PPP2R2B: variants seen among roughly 807,000 people sequenced by gnomAD.
PPP2R2B encodes serine/threonine-protein phosphatase 2A 55 kDa regulatory subunit B beta isoform.
Under a neutral mutation model 46.0 loss-of-function variants are expected in PPP2R2B, and 5 were observed. That is an observed-to-expected ratio of 0.11 (90% CI 0.06 to 0.23). The LOEUF is 0.23. PPP2R2B is among the 10% of genes least tolerant of loss of function. The probability of loss-of-function intolerance (pLI) is 1.00; values close to 1 mark genes in which losing one functional copy is unlikely to be tolerated. For missense variants in PPP2R2B, 367 were observed against 575.0 expected, an observed-to-expected ratio of 0.64 and a Z score of 3.70; for synonymous variants, 215 against 206.7, an observed-to-expected ratio of 1.04 and a Z score of -0.34.
chr5:146,756,801 C>T (rs1440846758), intron 2 of PPP2R2B, among the ~76,000 whole-genome samples: 1 of 152,152 alleles, frequency 6.6e-6, no homozygotes, highest in Non-Finnish European at 1.5e-5. Context: ...TTTGTATGTG[C>T]AGTGAGCTGC....
chr5:147,026,319 C>T (rs1012559356), intron 1 of PPP2R2B, among the ~76,000 whole-genome samples: 7 of 152,058 alleles, frequency 4.6e-5, no homozygotes, highest in East Asian at 1.9e-4. Flanking sequence ...CACACAGTAA[C>T]ATTGATGAAT....
chr5:146,921,351 A>G (rs538149494), intron 1 of PPP2R2B, among the ~76,000 whole-genome samples: 1 of 152,320 alleles, frequency 6.6e-6, no homozygotes, highest in Admixed American at 6.5e-5. Flanking sequence ...AGCCCCAACT[A>G]AACCATGAAT....
chr5:146,729,290 A>C (rs1203374680), intron 2 of PPP2R2B, among the ~76,000 whole-genome samples: 3 of 152,224 alleles, frequency 2.0e-5, no homozygotes, highest in African/African-American at 7.2e-5. Context: ...GGTATCTGGC[A>C]GAAGAAATTT....
intron 6 of PPP2R2B, among the ~76,000 whole-genome samples, chr5:146,647,128 T>C (rs1242211852): frequency 6.6e-6 from 1 of 152,240 alleles, no homozygotes; most frequent in Non-Finnish European, 1.5e-5. Flanking sequence ...CACTATTTAC[T>C]TAATGCTTTA....
At chr5:146,776,372 CAAGGG>C (rs1755183151) in intron 2 of PPP2R2B, among the ~76,000 whole-genome samples, 1 of 151,994 alleles carries the variant, frequency 6.6e-6, no homozygotes, top group Non-Finnish European at 1.5e-5. Context: ...TGATTTTCTA[CAAGGG>C]TGTCAAGACC....
chr5:146,592,189 C>T, intron 9 of PPP2R2B: 1 of 430,342 alleles, frequency 2.3e-6, no homozygotes, highest in South Asian at 1.7e-5. Context: ...AGACTCCTTC[C>T]AAGCCTGCTA....
At chr5:146,719,113 G>A (rs1018988242) in intron 2 of PPP2R2B, among the ~76,000 whole-genome samples, 7 of 152,210 alleles carry the variant, frequency 4.6e-5, no homozygotes, top group African/African-American at 1.7e-4. Flanking sequence ...AATTCTAAGA[G>A]TTGATCAATA....
intron 7 of PPP2R2B, among the ~76,000 whole-genome samples, chr5:146,618,625 T>C (rs770904340): frequency 5.9e-5 from 9 of 152,200 alleles, no homozygotes; most frequent in Non-Finnish European, 1.0e-4. Context: ...GCCAGTTCCC[T>C]TTCAGCAGCT....
rs114666598 is a variant in PPP2R2B, at chr5:146,597,017, C to T, written c.960+3274G>A. ...AGAATTTTGCTGTCACTCCACATGC[C>T]AGTGTTGGGTAGCTGGGCTCCTTGT... On this transcript the variant is annotated intron_variant, in intron 8 of 9. Coordinates refer to ENST00000394411, the MANE Select transcript of PPP2R2B (RefSeq NM_181675.4). Among the ~76,000 whole-genome samples, 497 of 152,268 alleles carry T rather than the reference C, an allele frequency of 3.3e-3. 4 individuals carry two copies. Among genetic ancestry groups the T allele is most frequent in the African/African-American group, 0.012 (479 of 41,522 alleles).
chr5:147,014,011 T>A (rs1237417141), intron 1 of PPP2R2B, among the ~76,000 whole-genome samples: 15 of 130,148 alleles, frequency 1.2e-4, no homozygotes, highest in South Asian at 5.4e-4. Context: ...ATATCCAGAA[T>A]CTACAATGAA....
chr5:146,985,934 A>C (rs1386541809), intron 1 of PPP2R2B, among the ~76,000 whole-genome samples: 1 of 152,228 alleles, frequency 6.6e-6, no homozygotes, highest in African/African-American at 2.4e-5. Context: ...TATACAAAAA[A>C]GAAATCAAGA....
At chr5:147,039,175 A>C (rs75834522) in intron 1 of PPP2R2B, among the ~76,000 whole-genome samples, 1 of 152,082 alleles carries the variant, frequency 6.6e-6, no homozygotes, top group Non-Finnish European at 1.5e-5. Flanking sequence ...CTCTTCAGAG[A>C]TGCCTTCCCT....
chr5:146,861,748 G>T (rs553465081), intron 2 of PPP2R2B, among the ~76,000 whole-genome samples: 27 of 151,872 alleles, frequency 1.8e-4, no homozygotes, highest in Non-Finnish European at 3.2e-4. Flanking sequence ...ATTTTTCCAT[G>T]GAATTCTTTG....
chr5:146,636,173 C>T (rs546480303), intron 7 of PPP2R2B, among the ~76,000 whole-genome samples: 2 of 152,216 alleles, frequency 1.3e-5, no homozygotes, highest in African/African-American at 2.4e-5. Flanking sequence ...TGCTGTCCAG[C>T]GAAATGCTCT....
At position 146,912,066 on chromosome 5, in the gene PPP2R2B, T is replaced by C. The variant is rs574953748; in HGVS notation, c.79+143599A>G. On this transcript the variant is annotated intron_variant, in intron 1 of 8. Transcript: ENST00000336640. ...CAGCCTGGGCAACAAGGTGAAACCC[T>C]GTCTCTACTAAAATACAAAAAAGTT... 2.8e-3 allele frequency among the ~76,000 whole-genome samples: 433 copies of C among 152,048 alleles called. 5 individuals carry two copies. Among genetic ancestry groups the C allele is most frequent in the African/African-American group, 5.1e-3 (212 of 41,510 alleles).
chr5:146,935,814 A>C (rs1764120790), intron 1 of PPP2R2B, among the ~76,000 whole-genome samples: 1 of 152,186 alleles, frequency 6.6e-6, no homozygotes, highest in Non-Finnish European at 1.5e-5. Flanking sequence ...AGCTGTGCCA[A>C]TCTGAGACCT....
chr5:146,682,184 T>C (rs1215270804), intron 5 of PPP2R2B, among the ~76,000 whole-genome samples: 1 of 152,168 alleles, frequency 6.6e-6, no homozygotes, highest in Non-Finnish European at 1.5e-5. Flanking sequence ...AGAAAATATT[T>C]TATTGTCAGT....
At position 146,958,363 on chromosome 5, in the gene PPP2R2B, A is replaced by C. The variant is rs182631855; in HGVS notation, c.79+97302T>G. ...CCATTCCATTTTTGAAGGAAATATCACTAGTAGATCTGCCTCCATGAGCAC... is the reference window on the plus strand; with the variant it reads ...CCATTCCATTTTTGAAGGAAATATCCCTAGTAGATCTGCCTCCATGAGCAC... On this transcript the variant is annotated intron_variant, in intron 1 of 8. Transcript: ENST00000336640. Among the ~76,000 whole-genome samples the C allele has an allele frequency of 3.6e-3, 549 of 152,298 alleles. 4 individuals carry two copies. The highest frequency in any genetic ancestry group is 0.012 in the African/African-American group (509 of 41,564).
At chr5:146,670,474 C>CTTT (rs1561818479) in intron 5 of PPP2R2B, among the ~76,000 whole-genome samples, 49 of 96,014 alleles carry the variant, frequency 5.1e-4, no homozygotes, top group East Asian at 2.7e-3. Flanking sequence ...TTTATGTGTA[C>CTTT]TATTATTTAT....
Sources: gnomAD v4.1 joint callset for allele counts (sites outside exome capture counted in the v4.1 genomes callset) on GRCh38, gnomAD v4.1.1 for gene constraint, MANE v1.5 for transcripts, NCBI Gene and HGNC (gene_info 2026-07-23, HGNC 2026-07-21) for gene names.